Variants in LCLAT1 observed in about 807,000 individuals in gnomAD.
LCLAT1 encodes the protein lysocardiolipin acyltransferase 1.
Under a neutral mutation model 30.7 loss-of-function variants are expected in LCLAT1, and 11 were observed. That is an observed-to-expected ratio of 0.36 (90% CI 0.23 to 0.59). The LOEUF is 0.59. Ranked by LOEUF, LCLAT1 falls within the 20% of genes least tolerant of loss-of-function variation. The pLI is 0.77. For missense variants in LCLAT1, 402 were observed against 458.6 expected (o/e 0.88, Z 1.13); for synonymous variants, 155 against 151.3 (o/e 1.02, Z -0.18).
intron 5 of LCLAT1, among the ~76,000 whole-genome samples, chr2:30,605,785 C>T (rs1667409026): frequency 6.6e-6 from 1 of 152,150 alleles, no homozygotes; most frequent in South Asian, 2.1e-4. Flanking sequence ...TGTCAGTGGT[C>T]CCCAACCTTT....
chr2:30,462,571 G>T (rs1163369774), intron 1 of LCLAT1, among the ~76,000 whole-genome samples: 12 of 152,160 alleles, frequency 7.9e-5, no homozygotes, highest in Non-Finnish European at 1.8e-4. Context: ...TTATCTGGGG[G>T]AAACTTCTGA....
At chr2:30,497,162 A>G (rs1212899221) in intron 1 of LCLAT1, among the ~76,000 whole-genome samples, 2 of 152,366 alleles carry the variant, frequency 1.3e-5, no homozygotes, top group South Asian at 2.1e-4. Flanking sequence ...ATTTTCTGAT[A>G]TAAACCGAAG....
chr2:30,637,854 A>G (rs1289520686), intron 5 of LCLAT1, among the ~76,000 whole-genome samples: 1 of 152,192 alleles, frequency 6.6e-6, no homozygotes, highest in Non-Finnish European at 1.5e-5. Context: ...CTGGGATTAC[A>G]GGTGTGAGCC....
At chr2:30,475,767 C>A (rs960120559) in intron 1 of LCLAT1, among the ~76,000 whole-genome samples, 9 of 152,146 alleles carry the variant, frequency 5.9e-5, no homozygotes, top group African/African-American at 2.2e-4. Flanking sequence ...TTCAGCCTTT[C>A]AGAAATATTT....
intron 3 of LCLAT1, among the ~76,000 whole-genome samples, 181 bp from the exon 4 acceptor site, chr2:30,561,965 T>C (rs1205600962): frequency 2.0e-5 from 3 of 152,224 alleles, no homozygotes; most frequent in Admixed American, 2.0e-4. Context: ...TTTTAGGATA[T>C]TCTCTTATAT....
intron 5 of LCLAT1, among the ~76,000 whole-genome samples, chr2:30,621,824 T>C (rs1401593885): frequency 2.0e-5 from 3 of 152,086 alleles, no homozygotes; most frequent in South Asian, 2.1e-4. Flanking sequence ...GCCAGTGGAA[T>C]TGGGGAAAGA....
intron 3 of LCLAT1, among the ~76,000 whole-genome samples, chr2:30,546,983 A>G (rs1664453287): frequency 6.6e-6 from 1 of 152,130 alleles, no homozygotes; most frequent in African/African-American, 2.4e-5. Flanking sequence ...TGTGCCAGGA[A>G]ACTCACATGC....
intron 1 of LCLAT1, among the ~76,000 whole-genome samples, chr2:30,496,571 C>T (rs1295499936): frequency 6.6e-6 from 1 of 152,118 alleles, no homozygotes; most frequent in Non-Finnish European, 1.5e-5. Context: ...TGTAAAATTC[C>T]TACCTTTTCT....
At chr2:30,587,651 A>C (rs1018326712) in intron 5 of LCLAT1, among the ~76,000 whole-genome samples, 6 of 152,342 alleles carry the variant, frequency 3.9e-5, no homozygotes, top group African/African-American at 1.4e-4. Flanking sequence ...TGAAGTTGTA[A>C]TATAAGAGAA....
At chr2:30,468,507 A>C (rs192893861) in intron 1 of LCLAT1, among the ~76,000 whole-genome samples, 1 of 143,896 alleles carries the variant, frequency 6.9e-6, no homozygotes, top group African/African-American at 2.7e-5. Context: ...AAAAATAGCC[A>C]TTTGATATAT....
rs565890920 is a variant in LCLAT1 at position 30,626,808 on chromosome 2, A to G, written c.629-13309A>G. ...TCTATTGCAGTCTTCATTGTATCCT[A>G]TAGATTCTCTTTTTCATTGCTTTTT... is the stretch of plus-strand genomic sequence containing the variant. On this transcript the variant is annotated intron_variant, in intron 5 of 5. Coordinates refer to ENST00000379509, the MANE Select transcript of LCLAT1 (RefSeq NM_001002257.3). Among the ~76,000 whole-genome samples the G allele has an allele frequency of 9.9e-5, 15 of 151,972 alleles. No homozygotes were observed. In the South Asian group the frequency reaches 2.3e-3, roughly 23 times the overall value.
At chr2:30,589,412 C>T (rs1027419853) in intron 5 of LCLAT1, among the ~76,000 whole-genome samples, 23 of 150,088 alleles carry the variant, frequency 1.5e-4, no homozygotes, top group African/African-American at 5.4e-4. Context: ...AGGTGGATAA[C>T]GAGTATGTTT....
chr2:30,603,860 A>T (rs1667303421), intron 5 of LCLAT1, among the ~76,000 whole-genome samples: 1 of 152,172 alleles, frequency 6.6e-6, no homozygotes, highest in African/African-American at 2.4e-5. Context: ...GGAGATTTGT[A>T]CTTCTAGCAG....
chr2:30,513,392 G>A (rs1685030407), intron 1 of LCLAT1, among the ~76,000 whole-genome samples: 1 of 151,718 alleles, frequency 6.6e-6, no homozygotes, highest in South Asian at 2.1e-4. Context: ...GAATTTCTAG[G>A]GTTCCCTAGT....
Position 30,527,163 on chromosome 2 carries a change from T to G in LCLAT1, c.165+1408T>G, listed in dbSNP as rs141705547. Among the ~76,000 whole-genome samples the G allele has an allele frequency of 6.2e-4, 94 of 152,332 alleles. No individual in the cohort carries two copies. In the East Asian group the frequency reaches 0.017, roughly 28 times the overall value. ...AACTGTATGTTAAGTAATTTTGCTG[T>G]CATCATAAAATCAGAGACATTTCCT... On this transcript the variant is annotated intron_variant, in intron 2 of 5. Coordinates refer to ENST00000379509, the MANE Select transcript of LCLAT1 (RefSeq NM_001002257.3).
chr2:30,528,886 G>A (rs1325364684), intron 2 of LCLAT1, among the ~76,000 whole-genome samples: 1 of 152,056 alleles, frequency 6.6e-6, no homozygotes, highest in Non-Finnish European at 1.5e-5. Flanking sequence ...CTTATAGCTA[G>A]GTTACAGAAA....
At chr2:30,582,343 A>G (rs1300585021) in intron 5 of LCLAT1, among the ~76,000 whole-genome samples, 1 of 152,328 alleles carries the variant, frequency 6.6e-6, no homozygotes, top group East Asian at 1.9e-4. Flanking sequence ...ATTTGTCAGA[A>G]TTCTTTATGA....
chr2:30,609,710 G>T (rs1667639178), intron 5 of LCLAT1, among the ~76,000 whole-genome samples: 1 of 152,022 alleles, frequency 6.6e-6, no homozygotes, highest in African/African-American at 2.4e-5. Context: ...GTCCTCCTTT[G>T]AACTCATAGT....
chr2:30,556,667 T>C (rs551277804), intron 3 of LCLAT1, among the ~76,000 whole-genome samples: 29 of 152,246 alleles, frequency 1.9e-4, no homozygotes, highest in African/African-American at 6.7e-4. Flanking sequence ...AAGTATGATT[T>C]GTATAACAAT....
Sources: allele counts gnomAD v4.1 joint callset (sites outside exome capture counted in the v4.1 genomes callset), GRCh38; gene constraint gnomAD v4.1.1; transcripts MANE v1.5; gene names NCBI Gene and HGNC (gene_info 2026-07-23, HGNC 2026-07-21).